TOPBP1: variants seen among roughly 807,000 people sequenced by gnomAD.
TOPBP1 encodes the protein DNA topoisomerase II binding protein 1, also known as DNA topoisomerase 2-binding protein 1.
Under a neutral mutation model 167.7 loss-of-function variants are expected in TOPBP1, and 28 were observed. The ratio of observed to expected loss-of-function variants is 0.17; its 90% CI spans 0.12 to 0.23. TOPBP1 has a LOEUF of 0.23. Ranked by LOEUF, TOPBP1 falls within the 10% of genes least tolerant of loss-of-function variation. The pLI is 1.00. For missense variants in TOPBP1, 1,554 were observed against 1,809.6 expected, an observed-to-expected ratio of 0.86 and a Z score of 2.56; for synonymous variants, 598 against 611.4, an observed-to-expected ratio of 0.98 and a Z score of 0.32.
chr3:133,639,860 A>T lies in TOPBP1; in HGVS notation c.2233+99T>A, dbSNP rs546778111. ...TCACTGCACCCAATGTGAAAAGCAA[A>T]AATCAATGACCCTTCCTAAACACAA... On this transcript the variant is annotated intron_variant, in intron 13 of 27. Transcript: ENST00000260810. 10 of 1,276,968 alleles carry T rather than the reference A, an allele frequency of 7.8e-6. No individual in the cohort carries two copies. The East Asian group carries it at 2.5e-4, about 32-fold the overall frequency. The allele number at this position is 1,276,968 out of a possible 1,614,324, so 79.1% of individuals were successfully genotyped here.
chr3:133,621,782 A>G lies in TOPBP1; in HGVS notation c.3178+1309T>C, dbSNP rs1323868462. 1.3e-5 allele frequency among the ~76,000 whole-genome samples: 2 copies of G among 152,224 alleles called. 1 individual carries two copies. On this transcript the variant is annotated intron_variant, in intron 19 of 27. Transcript: ENST00000260810. ...AACCAAATAGGTAAGTCATAGGGAA[A>G]GCTTTGGTAGGTTAGAATGAGTAAG...
rs544290226 is a variant in TOPBP1 at position 133,608,925 on chromosome 3, T to G, written c.4211A>C (p.Asp1404Ala). 124 of 1,613,432 alleles carry G rather than the reference T, an allele frequency of 7.7e-5. No individual in the cohort carries two copies. The South Asian group carries it at 1.2e-3, about 15-fold the overall frequency. The change falls in exon 26 of 28, where the codon GAT becomes GCT. Residue 1404 changes from aspartate to alanine, a missense_variant. Asp to Ala is a moderately radical substitution (Grantham distance 126). This residue lies in a region of TOPBP1 where 351 missense variants were observed against 432.9 expected (regional missense o/e 0.81). Transcript: ENST00000260810. Reference sequence around the variant, plus strand: ...TTTGAAGCCTGCTTCTCGAGACTGATCCACATGTAAAATAACCTTCCACCC... The same window carrying G: ...TTTGAAGCCTGCTTCTCGAGACTGAGCCACATGTAAAATAACCTTCCACCC... ...FSGWKVILHV[D>A]QSREAGFKRL...
chr3:133,651,552 A>G (rs964850095), intron 8 of TOPBP1, among the ~76,000 whole-genome samples: 1 of 152,190 alleles, frequency 6.6e-6, no homozygotes, highest in African/African-American at 2.4e-5. Context: ...AAATTAGTGC[A>G]CAGCCAAGTC....
intron 19 of TOPBP1, among the ~76,000 whole-genome samples, chr3:133,622,113 G>C (rs1044317125): frequency 6.0e-5 from 9 of 149,996 alleles, no homozygotes; most frequent in Admixed American, 6.6e-5. Context: ...GTTATCTACT[G>C]ATATAAAACA....
chr3:133,653,872 T>C (rs1294663792), intron 6 of TOPBP1, among the ~76,000 whole-genome samples: 1 of 152,196 alleles, frequency 6.6e-6, no homozygotes, highest in East Asian at 1.9e-4. Flanking sequence ...CCTCAGGTGA[T>C]TCGCCTGCCT....
intron 17 of TOPBP1, 100 bp from the exon 18 acceptor site, chr3:133,623,557 T>C: frequency 2.3e-6 from 3 of 1,304,586 alleles, no homozygotes; most frequent in South Asian, 2.2e-5. Context: ...TACTGTAATA[T>C]GGCAAAAAGT....
At chr3:133,624,975 C>G (rs1332162718) in intron 16 of TOPBP1, among the ~76,000 whole-genome samples, 1 of 152,108 alleles carries the variant, frequency 6.6e-6, no homozygotes, top group Non-Finnish European at 1.5e-5. Flanking sequence ...TCAATATTCT[C>G]TCTTTTTTTG....
intron 14 of TOPBP1, among the ~76,000 whole-genome samples, chr3:133,634,694 C>T (rs1290484965): frequency 2.6e-5 from 4 of 151,834 alleles, no homozygotes; most frequent in Non-Finnish European, 5.9e-5. Flanking sequence ...AAAAAAACTG[C>T]AAGCTAAGAA....
chr3:133,644,072 A>G lies in TOPBP1; in HGVS notation c.1796T>C (p.Leu599Pro). 1 of 1,613,590 alleles carries G rather than the reference A, an allele frequency of 6.2e-7. No individual in the cohort carries two copies. Among genetic ancestry groups the G allele is most frequent in the Non-Finnish European group, 8.5e-7 (1 of 1,179,746 alleles). The stretch of plus-strand genomic sequence containing the variant: ...CACAGTGGCTTCCACTTCACACCCC[A>G]GCAGAGGAACCACAGCATAATCCGC... Reference protein sequence around the residue: ...TVADYAVVPLLGCEVEATVGE... With the variant: ...TVADYAVVPLPGCEVEATVGE... The change falls in exon 11 of 28, where the codon CTG becomes CCG. Residue 599 changes from leucine (L) to proline (P), a missense_variant. Leu to Pro is a moderately conservative substitution (Grantham distance 98). Transcript: ENST00000260810.
intron 11 of TOPBP1, 148 bp downstream of exon 11, chr3:133,643,872 T>A: frequency 1.3e-6 from 1 of 791,712 alleles, no homozygotes; most frequent in Admixed American, 3.3e-5. Flanking sequence ...ACATTTAATT[T>A]TGAATTTCCC....
At chr3:133,608,342 A>G (rs1393279255) in intron 27 of TOPBP1, among the ~76,000 whole-genome samples, 193 bp downstream of exon 27, 1 of 152,232 alleles carries the variant, frequency 6.6e-6, no homozygotes, top group Non-Finnish European at 1.5e-5. Context: ...CTTCCAAGCT[A>G]AATGTTTACA....
rs1936006519 is a variant in TOPBP1 at position 133,644,380 on chromosome 3, A to C, written c.1505-17T>G. ...TAGCCTCAACTGAAAGAGAAAAGTAAATGTTTTCTAACCAACAATTTACCT... is the reference window on the plus strand; with the variant it reads ...TAGCCTCAACTGAAAGAGAAAAGTACATGTTTTCTAACCAACAATTTACCT... On this transcript the variant is annotated splice_polypyrimidine_tract_variant and intron_variant, in intron 10 of 27. Coordinates refer to ENST00000260810, the MANE Select transcript of TOPBP1 (RefSeq NM_007027.4). 3 of 1,528,468 alleles carry C rather than the reference A, an allele frequency of 2.0e-6. No individual in the cohort carries two copies. The highest frequency in any genetic ancestry group is 2.6e-6 in the Non-Finnish European group (3 of 1,140,302). The allele number at this position is 1,528,468 out of a possible 1,614,324, so 94.7% of individuals were successfully genotyped here. A position where few individuals can be genotyped will look rare whatever the true frequency, so the allele number is the denominator to read the frequency against.
At chr3:133,618,190 T>C (rs770530301) in intron 21 of TOPBP1, 23 bp downstream of exon 21, 1 of 1,586,064 alleles carries the variant, frequency 6.3e-7, no homozygotes, top group South Asian at 1.1e-5. Flanking sequence ...TACAAACAAA[T>C]GCAAAGATTT....
rs71317417 is a variant in TOPBP1 at position 133,612,386 on chromosome 3, C to T, written c.4035+3G>A. On this transcript the variant is annotated splice_donor_region_variant and intron_variant, in intron 24 of 27. Coordinates refer to ENST00000260810, the MANE Select transcript of TOPBP1 (RefSeq NM_007027.4). ...ATAAACTTCCACAAATCTGAATACA[C>T]ACCTGCACGAAGTGTCCAGCAGTCC... 0.077 allele frequency: 123,976 copies of T among 1,613,496 alleles called. 4,998 individuals are homozygous for T. The highest frequency in any genetic ancestry group is 0.1 in the Middle Eastern group (623 of 6,056).
At chr3:133,651,828 A>G (rs1016296538) in intron 8 of TOPBP1, among the ~76,000 whole-genome samples, 2 of 152,194 alleles carry the variant, frequency 1.3e-5, no homozygotes, top group African/African-American at 4.8e-5. Flanking sequence ...TATCCATTTT[A>G]GAGTTATTTG....
chr3:133,613,651 T>C (rs1934757438), intron 23 of TOPBP1, among the ~76,000 whole-genome samples: 1 of 152,118 alleles, frequency 6.6e-6, no homozygotes, highest in Non-Finnish European at 1.5e-5. Context: ...TTCTCAGATA[T>C]AAATGCATGA....
rs1218204451 is a variant in TOPBP1, at chr3:133,655,322, T to A, written c.710A>T (p.Glu237Val). The change falls in exon 6 of 28, where the codon GAA becomes GTA. Residue 237 changes from glutamate (E) to valine (V), a missense_variant. By Grantham distance (121) the Glu-to-Val change is moderately radical (BLOSUM62 -2). Around this residue, in one of 3 missense-constraint regions of TOPBP1, gnomAD observed 1,197 missense variants for 1,351.5 expected, o/e 0.89. Coordinates refer to ENST00000260810, the MANE Select transcript of TOPBP1 (RefSeq NM_007027.4). ...GQYMGQLKMN[E>V]CTHLIVQEPK... ...TTCTTGCACAATGAGGTGTGTACAT[T>A]CATTCATTTTCAATTGTCCCATGTA... 1 of 1,566,698 alleles carries A rather than the reference T, an allele frequency of 6.4e-7. No individual in the cohort carries two copies. The highest frequency in any genetic ancestry group is 1.4e-5 in the African/African-American group (1 of 72,668).
rs762407311 is a variant in TOPBP1, at chr3:133,649,503, C to T, written c.1384G>A (p.Ala462Thr). ...CTGTTCTTCTTTTTTAAAAGAGCTG[C>T]TTTACTTTCAGGCTTATGTGAAACT... ...IPVSHKPESKAALLKKKNSSF... is the reference protein window; with the variant it reads ...IPVSHKPESKTALLKKKNSSF... The change falls in exon 10 of 28, where the codon GCA (alanine) becomes ACA (threonine). Residue 462 changes from alanine (A) to threonine (T), a missense_variant. Physicochemically the swap from Ala to Thr is moderately conservative, Grantham distance 58. Around this residue, in one of 3 missense-constraint regions of TOPBP1, gnomAD observed 1,197 missense variants for 1,351.5 expected, o/e 0.89. Coordinates refer to ENST00000260810, the MANE Select transcript of TOPBP1 (RefSeq NM_007027.4). The T allele has an allele frequency of 5.6e-6, 9 of 1,613,906 alleles. No individual in the cohort carries two copies. In the East Asian group the frequency reaches 2.0e-4, roughly 36 times the overall value.
rs1173686400 is a variant in TOPBP1 at position 133,617,362 on chromosome 3, C to T, written c.3593-36G>A. On this transcript the variant is annotated intron_variant, in intron 21 of 27. Transcript: ENST00000260810. ...TAAAATGCTGCAGTGTGACAGGATC[C>T]AAATAAGACTAAAAACAAATTCTAG... 4 of 1,523,052 alleles carry T rather than the reference C, an allele frequency of 2.6e-6. No homozygotes were observed. The South Asian group carries it at 5.3e-5, about 20-fold the overall frequency. The allele number at this position is 1,523,052 out of a possible 1,614,324, so 94.3% of individuals were successfully genotyped here.
Sources: allele counts gnomAD v4.1 joint callset (sites outside exome capture counted in the v4.1 genomes callset), GRCh38; gene constraint gnomAD v4.1.1; regional missense constraint gnomAD v4.1.1; transcripts MANE v1.5; gene names NCBI Gene and HGNC (gene_info 2026-07-23, HGNC 2026-07-21).